The following CDC123 variants were observed in gnomAD, a reference collection of about 807,000 sequenced individuals.
CDC123 encodes translation initiation factor eIF2 assembly protein.
In CDC123, 37 loss-of-function variants were observed where a neutral mutation model predicts 54.4. That is an observed-to-expected ratio of 0.68 (90% CI 0.52 to 0.89). The LOEUF is 0.89. CDC123 is among the 40% of genes least tolerant of loss of function. CDC123 has a pLI of 0.00. For missense variants in CDC123, 361 were observed against 412.1 expected (o/e 0.88, Z 1.07); for synonymous variants, 144 against 136.8 (o/e 1.05, Z -0.37).
intron 4 of CDC123, among the ~76,000 whole-genome samples, chr10:12,215,381 C>G (rs1835649758): frequency 6.6e-6 from 1 of 152,146 alleles, no homozygotes; most frequent in South Asian, 2.1e-4. Flanking sequence ...TAGAGTATTG[C>G]TACAGGTGAT....
chr10:12,209,946 T>A (rs374672460), intron 2 of CDC123, 21 bp from the exon 3 acceptor site: 59 of 1,613,044 alleles, frequency 3.7e-5, no homozygotes, highest in Non-Finnish European at 4.4e-5. Context: ...TCTTTCTTGA[T>A]GTTTGTTTGT....
At chr10:12,215,385 A>G (rs1352276074) in intron 4 of CDC123, among the ~76,000 whole-genome samples, 1 of 152,166 alleles carries the variant, frequency 6.6e-6, no homozygotes, top group Admixed American at 6.5e-5. Flanking sequence ...GTATTGCTAC[A>G]GGTGATATTC....
At chr10:12,209,900 C>T in intron 2 of CDC123, 67 bp from the exon 3 acceptor site, 1 of 1,443,764 alleles carries the variant, frequency 6.9e-7, no homozygotes, top group Non-Finnish European at 9.8e-7. Context: ...TACTCAGTAC[C>T]CCTGAAATTA....
At chr10:12,247,614 T>G (rs750849926) in intron 11 of CDC123, 1 of 152,312 alleles carries the variant, frequency 6.6e-6, no homozygotes, top group Non-Finnish European at 1.5e-5. Flanking sequence ...CCGGATTTAG[T>G]CATGCTCAGA....
intron 2 of CDC123, among the ~76,000 whole-genome samples, chr10:12,205,074 C>T (rs1197698660): frequency 6.6e-6 from 1 of 151,932 alleles, no homozygotes; most frequent in Non-Finnish European, 1.5e-5. Context: ...CCTCACAGTC[C>T]CCTACTACCC....
chr10:12,218,463 A>G (rs1420103298), intron 6 of CDC123, among the ~76,000 whole-genome samples: 1 of 151,552 alleles, frequency 6.6e-6, no homozygotes, highest in African/African-American at 2.4e-5. Flanking sequence ...CTGGTCTCGA[A>G]CTCCTGACCT....
At position 12,250,581 on chromosome 10, in the gene CDC123, T is replaced by C; in HGVS notation, c.*244T>C. The C allele has an allele frequency of 2.3e-6, 1 of 444,178 alleles. No homozygotes were observed. The highest frequency in any genetic ancestry group is 4.1e-6 in the Non-Finnish European group (1 of 244,246). 27.5% of individuals were successfully genotyped at this position (444,178 alleles called of 1,614,324 possible). Reference sequence around the variant, plus strand: ...ACTGTTCTGATAATAAAATGCTTTCTATGAAATACGTTGCTTTTCTACCGA... The same window carrying C: ...ACTGTTCTGATAATAAAATGCTTTCCATGAAATACGTTGCTTTTCTACCGA... On this transcript the variant is annotated 3_prime_UTR_variant, in exon 13 of 13. Coordinates refer to ENST00000281141, the MANE Select transcript of CDC123 (RefSeq NM_006023.3).
At chr10:12,245,951 TC>T (rs979997072) in intron 10 of CDC123, 197 bp from the exon 11 acceptor site, 23 of 500,112 alleles carry the variant, frequency 4.6e-5, no homozygotes, top group South Asian at 2.8e-4. Context: ...ATGCCTGTAG[TC>T]CCAGGTACTG....
chr10:12,248,483 G>T (rs528336320), intron 11 of CDC123, among the ~76,000 whole-genome samples: 267 of 150,020 alleles, frequency 1.8e-3, no homozygotes, highest in Non-Finnish European at 3.3e-3. Flanking sequence ...TTGCACTCCA[G>T]CCTGGGTGAC....
chr10:12,230,301 C>G (rs1450262751), intron 6 of CDC123, among the ~76,000 whole-genome samples: 1 of 151,828 alleles, frequency 6.6e-6, no homozygotes, highest in Admixed American at 6.6e-5. Context: ...TAGGTGATTC[C>G]CCTGCCTCAG....
At chr10:12,201,166 A>G (rs1203799678) in intron 2 of CDC123, among the ~76,000 whole-genome samples, 1 of 152,232 alleles carries the variant, frequency 6.6e-6, no homozygotes, top group Admixed American at 6.5e-5. Flanking sequence ...GGCAAATGAC[A>G]GTATAGAACT....
At chr10:12,224,187 A>G (rs1256231306) in intron 6 of CDC123, among the ~76,000 whole-genome samples, 1 of 150,428 alleles carries the variant, frequency 6.6e-6, no homozygotes, top group East Asian at 1.9e-4. Flanking sequence ...TGCAAATGCC[A>G]TTATTTTGTT....
chr10:12,233,278 TACACACACACAC>T (rs57596982), intron 7 of CDC123, among the ~76,000 whole-genome samples: 69 of 145,678 alleles, frequency 4.7e-4, no homozygotes, highest in Admixed American at 1.0e-3. Context: ...GTATTTAAAA[TACACACACACAC>T]ACACACACAC....
chr10:12,215,146 T>A (rs75276627), intron 4 of CDC123, among the ~76,000 whole-genome samples: 2,333 of 152,328 alleles, frequency 0.015, 60 homozygotes, highest in African/African-American at 0.053. Flanking sequence ...ATATGCATTT[T>A]AAAAATCATC....
At chr10:12,220,912 G>A (rs1835727369) in intron 6 of CDC123, among the ~76,000 whole-genome samples, 1 of 151,952 alleles carries the variant, frequency 6.6e-6, no homozygotes. Context: ...GGGAGGCGGA[G>A]CTTGCAGTGA....
intron 7 of CDC123, among the ~76,000 whole-genome samples, chr10:12,231,320 A>G (rs1835899485): frequency 6.6e-6 from 1 of 152,110 alleles, no homozygotes; most frequent in Non-Finnish European, 1.5e-5. Context: ...CTCACCTTAC[A>G]AATAACTTAA....
chr10:12,238,568 A>G, intron 10 of CDC123, 83 bp downstream of exon 10: 1 of 1,511,792 alleles, frequency 6.6e-7, no homozygotes, highest in Non-Finnish European at 9.0e-7. Flanking sequence ...TATGTGTGTG[A>G]AGGATCCATG....
chr10:12,234,116 G>A (rs1018678553), intron 7 of CDC123, among the ~76,000 whole-genome samples: 2 of 151,918 alleles, frequency 1.3e-5, no homozygotes, highest in Non-Finnish European at 2.9e-5. Flanking sequence ...TTTTTTAGAT[G>A]GAGTTTTGCT....
chr10:12,211,075 G>C (rs1835592463), intron 4 of CDC123, among the ~76,000 whole-genome samples: 1 of 152,142 alleles, frequency 6.6e-6, no homozygotes, highest in Non-Finnish European at 1.5e-5. Context: ...ACTTTTACCA[G>C]TGTTTTACAT....
Sources: allele counts gnomAD v4.1 joint callset (sites outside exome capture counted in the v4.1 genomes callset), GRCh38; gene constraint gnomAD v4.1.1; transcripts MANE v1.5; gene names NCBI Gene and HGNC (gene_info 2026-07-23, HGNC 2026-07-21).